ELP1: variants seen among roughly 807,000 people sequenced by gnomAD.
The protein encoded by ELP1 is elongator acetyltransferase complex subunit 1, also known as elongator complex protein 1.
A neutral mutation model predicts 183.2 loss-of-function variants in ELP1; 131 were observed. The observed-to-expected ratio is 0.72, with a 90% CI of 0.62 to 0.83. The LOEUF is 0.83. Ranked by LOEUF, ELP1 falls within the 40% of genes least tolerant of loss-of-function variation. ELP1 has a pLI of 0.00. For synonymous variants in ELP1, 555 were observed against 569.0 expected, an observed-to-expected ratio of 0.98 and a Z score of 0.35; for missense variants, 1,550 against 1,594.9, an observed-to-expected ratio of 0.97 and a Z score of 0.48.
chr9:108,879,988 C>T, intron 32 of ELP1, 64 bp downstream of exon 32: 2 of 1,016,234 alleles, frequency 2.0e-6, no homozygotes, highest in Non-Finnish European at 3.1e-6. Context: ...GCAATCTAGA[C>T]AATGTGTGGC....
At chr9:108,929,030 TA>T (rs915060641) in intron 3 of ELP1, among the ~76,000 whole-genome samples, 1 of 152,192 alleles carries the variant, frequency 6.6e-6, no homozygotes, top group Non-Finnish European at 1.5e-5. Context: ...GAAGATTAAA[TA>T]AATTTGCATG....
intron 14 of ELP1, among the ~76,000 whole-genome samples, chr9:108,905,868 TACAC>T (rs35044796): frequency 0.045 from 6,637 of 147,716 alleles, 471 homozygotes; most frequent in African/African-American, 0.16. Context: ...AAGGTATGTA[TACAC>T]ACACACACAC....
intron 8 of ELP1, 63 bp from the exon 9 acceptor site, chr9:108,917,733 C>G: frequency 1.9e-6 from 3 of 1,566,354 alleles, no homozygotes; most frequent in Non-Finnish European, 2.6e-6. Flanking sequence ...TAGATAAAAT[C>G]CAGAAGAGTT....
Position 108,929,736 on chromosome 9 carries a change from G to A in ELP1, c.303+33C>T, listed in dbSNP as rs760829156. ...GCAAGTAACCTATTTGAGGATGCTT[G>A]AGACTCCCCCCTCACTGGAGTCTTC... On this transcript the variant is annotated intron_variant, in intron 3 of 36. Transcript: ENST00000374647. The A allele has an allele frequency of 1.1e-5, 18 of 1,609,856 alleles. No homozygotes were observed. In the Admixed American group the frequency reaches 2.7e-4, roughly 24 times the overall value.
intron 14 of ELP1, among the ~76,000 whole-genome samples, chr9:108,905,912 ACTGC>A (rs1564091657): frequency 6.0e-5 from 9 of 149,568 alleles, no homozygotes; most frequent in African/African-American, 2.2e-4. Flanking sequence ...TATGCGCATG[ACTGC>A]ATTTATACAA....
chr9:108,927,581 AC>A (rs749053123), intron 3 of ELP1, 128 bp from the exon 4 acceptor site: 2 of 753,684 alleles, frequency 2.7e-6, no homozygotes, highest in Non-Finnish European at 4.7e-6. Flanking sequence ...AGATATCTGC[AC>A]TCTCATGTTT....
Position 108,929,923 on chromosome 9 carries a change from T to C in ELP1, c.151-2A>G. 1.2e-6 allele frequency: 2 copies of C among 1,613,448 alleles called. No homozygotes were observed. Among genetic ancestry groups the C allele is most frequent in the Non-Finnish European group, 1.7e-6 (2 of 1,179,986 alleles). On this transcript the variant is annotated splice_acceptor_variant, in intron 2 of 36. Coordinates refer to ENST00000374647, the MANE Select transcript of ELP1 (RefSeq NM_003640.5). LOFTEE classifies it high-confidence loss of function. ...CACCAAAGAAACTTCATTTTTCACC[T>C]TTCACCAAAGTAAACACAAGCAAAT...
intron 1 of ELP1, among the ~76,000 whole-genome samples, chr9:108,933,518 A>T (rs907559732): frequency 6.6e-6 from 1 of 152,246 alleles, no homozygotes; most frequent in Non-Finnish European, 1.5e-5. Context: ...CACGCGAGAA[A>T]GGACCCGCAC....
chr9:108,901,761 C>T (rs1016625635), intron 16 of ELP1, 80 bp from the exon 17 acceptor site: 13 of 1,327,042 alleles, frequency 9.8e-6, no homozygotes, highest in Non-Finnish European at 1.2e-5. Context: ...CATAGTTCTA[C>T]CACCCTATGA....
rs1412953632 is a variant in ELP1 at position 108,908,469 on chromosome 9, T to C, written c.1361-65A>G. ...AAGATTTCACCTAATACTAAGGGGA[T>C]GGTGTCTGCAATTAATGAGTTCTAG... On this transcript the variant is annotated intron_variant, in intron 12 of 36. Coordinates refer to ENST00000374647, the MANE Select transcript of ELP1 (RefSeq NM_003640.5). The C allele has an allele frequency of 9.9e-6, 12 of 1,208,816 alleles. 1 individual carries two copies. The highest frequency in any genetic ancestry group is 2.5e-5 in the South Asian group (2 of 80,548). The allele number at this position is 1,208,816 out of a possible 1,614,324, so 74.9% of individuals were successfully genotyped here.
At chr9:108,895,748 A>T (rs1453177203) in intron 25 of ELP1, among the ~76,000 whole-genome samples, 2 of 152,180 alleles carry the variant, frequency 1.3e-5, no homozygotes, top group Non-Finnish European at 1.5e-5. Context: ...AATAAATAAA[A>T]AATATGCATA....
intron 25 of ELP1, among the ~76,000 whole-genome samples, chr9:108,895,522 T>C (rs1037992177): frequency 6.6e-6 from 1 of 152,150 alleles, no homozygotes; most frequent in Admixed American, 6.5e-5. Context: ...AAGCATTGTC[T>C]TTCCTCCATG....
At chr9:108,905,056 T>A (rs187930487) in intron 14 of ELP1, among the ~76,000 whole-genome samples, 117 of 152,316 alleles carry the variant, frequency 7.7e-4, no homozygotes, top group Non-Finnish European at 1.2e-3. Flanking sequence ...CAAAAGGTAA[T>A]CTAATGGCTT....
chr9:108,897,298 G>A lies in ELP1; in HGVS notation c.2364-13C>T, dbSNP rs755721081. 1.7e-5 allele frequency: 28 copies of A among 1,613,926 alleles called. No individual in the cohort carries two copies. The highest frequency in any genetic ancestry group is 2.2e-5 in the Non-Finnish European group (26 of 1,180,002). ...GACATCTTCTTCTCTAAGAACAGGTGTGTATGGAATGGTCATCAACAGAAC... is the reference window on the plus strand; with the variant it reads ...GACATCTTCTTCTCTAAGAACAGGTATGTATGGAATGGTCATCAACAGAAC... On this transcript the variant is annotated splice_polypyrimidine_tract_variant and intron_variant, in intron 22 of 36. Transcript: ENST00000374647.
rs1014743084 is a variant in ELP1 at position 108,934,122 on chromosome 9, T to G, written c.-314A>C. On this transcript the variant is annotated 5_prime_UTR_variant, in exon 1 of 37. Coordinates refer to ENST00000374647, the MANE Select transcript of ELP1 (RefSeq NM_003640.5). ...AACTAGGCAGCCGCAGCACTGGGAGTGCGGCGCGGGAGTGACGTCACCAGG... is the reference window on the plus strand; with the variant it reads ...AACTAGGCAGCCGCAGCACTGGGAGGGCGGCGCGGGAGTGACGTCACCAGG... The G allele has an allele frequency of 5.4e-5, 12 of 222,824 alleles. No homozygotes were observed. Among genetic ancestry groups the G allele is most frequent in the Non-Finnish European group, 1.1e-4 (12 of 111,634 alleles). The allele number at this position is 222,824 out of a possible 1,614,324, so 13.8% of individuals were successfully genotyped here. A position where few individuals can be genotyped will look rare whatever the true frequency, so the allele number is the denominator to read the frequency against.
intron 22 of ELP1, 21 bp downstream of exon 22, chr9:108,898,481 T>C (rs771205728): frequency 7.3e-7 from 1 of 1,361,836 alleles, no homozygotes; most frequent in Non-Finnish European, 1.0e-6. Flanking sequence ...AAGATACACA[T>C]GAATTATTCA....
chr9:108,895,175 G>A (rs1224509580), intron 25 of ELP1, among the ~76,000 whole-genome samples: 3 of 152,168 alleles, frequency 2.0e-5, no homozygotes, highest in African/African-American at 4.8e-5. Context: ...GTTGCAGTGA[G>A]CCAAGATGGT....
intron 26 of ELP1, 65 bp downstream of exon 26, chr9:108,893,878 T>G: frequency 6.4e-7 from 1 of 1,557,424 alleles, no homozygotes; most frequent in Non-Finnish European, 8.8e-7. Flanking sequence ...ACAGTTTAAT[T>G]TATACCTTGC....
At chr9:108,884,821 A>G (rs1311135066) in intron 29 of ELP1, among the ~76,000 whole-genome samples, 1 of 152,154 alleles carries the variant, frequency 6.6e-6, no homozygotes, top group African/African-American at 2.4e-5. Flanking sequence ...TGGCTTACAC[A>G]TGGAATCCCA....
Sources: allele counts gnomAD v4.1 joint callset (sites outside exome capture counted in the v4.1 genomes callset), GRCh38; gene constraint gnomAD v4.1.1; transcripts MANE v1.5; gene names NCBI Gene and HGNC (gene_info 2026-07-23, HGNC 2026-07-21).